Variants in RCL1 observed in about 807,000 individuals in gnomAD.
The protein encoded by RCL1 is RNA terminal phosphate cyclase like 1.
RCL1 carries 24 observed loss-of-function variants against 42.4 expected under a neutral mutation model. That is an observed-to-expected ratio of 0.57 (90% CI 0.41 to 0.80). RCL1 has a LOEUF of 0.80. RCL1 is among the 30% of genes least tolerant of loss of function. RCL1 has a pLI of 0.00. For synonymous variants in RCL1, 228 were observed against 177.3 expected (o/e 1.29, Z -2.27); for missense variants, 578 against 467.9 (o/e 1.24, Z -2.17).
At chr9:4,825,841 A>AAGGTG (rs1410512053) in intron 2 of RCL1, among the ~76,000 whole-genome samples, 1 of 152,002 alleles carries the variant, frequency 6.6e-6, no homozygotes, top group Non-Finnish European at 1.5e-5. Context: ...AGCCAGGCAC[A>AAGGTG]AGGTGGTTCA....
At chr9:4,833,641 C>A (rs912730249) in intron 4 of RCL1, among the ~76,000 whole-genome samples, 14 of 152,114 alleles carry the variant, frequency 9.2e-5, no homozygotes, top group African/African-American at 3.4e-4. Flanking sequence ...TCAGTATTTC[C>A]AAAATCTAGT....
At chr9:4,857,167 G>A (rs942536007) in intron 8 of RCL1, among the ~76,000 whole-genome samples, 3 of 152,176 alleles carry the variant, frequency 2.0e-5, no homozygotes, top group African/African-American at 7.2e-5. Context: ...TGTATTCACA[G>A]ACTTGTGTAA....
intron 2 of RCL1, among the ~76,000 whole-genome samples, chr9:4,824,522 G>A (rs985949975): frequency 5.3e-5 from 8 of 151,936 alleles, no homozygotes; most frequent in African/African-American, 1.9e-4. Flanking sequence ...GCTCCCCATT[G>A]ATAAACATTT....
intron 8 of RCL1, among the ~76,000 whole-genome samples, chr9:4,852,515 C>G (rs1817786516): frequency 6.6e-6 from 1 of 152,238 alleles, no homozygotes. Context: ...TCCAGCCTAT[C>G]TGGACTTAAG....
At chr9:4,800,684 G>T in intron 1 of RCL1, among the ~76,000 whole-genome samples, 1 of 137,014 alleles carries the variant, frequency 7.3e-6, no homozygotes. Context: ...ATGGAATCTC[G>T]CTCTGACTTC....
At chr9:4,797,270 A>G (rs1842927904) in intron 1 of RCL1, among the ~76,000 whole-genome samples, 1 of 152,208 alleles carries the variant, frequency 6.6e-6, no homozygotes, top group Non-Finnish European at 1.5e-5. Context: ...AGGAAGAATA[A>G]ATGTTAGCTG....
chr9:4,835,768 G>T (rs554796755), intron 5 of RCL1, among the ~76,000 whole-genome samples: 14 of 152,222 alleles, frequency 9.2e-5, no homozygotes, highest in Non-Finnish European at 1.6e-4. Context: ...TTGGTTGCCC[G>T]TATATCTTTA....
chr9:4,837,449 G>A (rs1003558163), intron 5 of RCL1, among the ~76,000 whole-genome samples: 3 of 151,790 alleles, frequency 2.0e-5, no homozygotes, highest in African/African-American at 7.3e-5. Flanking sequence ...GGGGGTAGTT[G>A]TTTTTTTTCC....
At chr9:4,810,378 C>T (rs1282911910) in intron 1 of RCL1, among the ~76,000 whole-genome samples, 1 of 152,162 alleles carries the variant, frequency 6.6e-6, no homozygotes, top group African/African-American at 2.4e-5. Context: ...AAATTTTTAA[C>T]ACCATGGATT....
intron 7 of RCL1, among the ~76,000 whole-genome samples, chr9:4,847,063 G>T (rs1817542464): frequency 6.6e-6 from 1 of 151,928 alleles, no homozygotes; most frequent in Non-Finnish European, 1.5e-5. Flanking sequence ...ATTTTTAGTA[G>T]AGATAGGGTT....
intron 1 of RCL1, among the ~76,000 whole-genome samples, chr9:4,806,487 T>C (rs1430683325): frequency 1.3e-5 from 2 of 152,062 alleles, no homozygotes; most frequent in Non-Finnish European, 2.9e-5. Context: ...GATGTGACCA[T>C]GTGATTTTTC....
At chr9:4,847,852 T>A (rs1817573816) in intron 7 of RCL1, among the ~76,000 whole-genome samples, 1 of 152,196 alleles carries the variant, frequency 6.6e-6, no homozygotes, top group Non-Finnish European at 1.5e-5. Context: ...GGCATTTTAT[T>A]TTTCCCCATC....
intron 7 of RCL1, among the ~76,000 whole-genome samples, chr9:4,848,730 G>T (rs1817604602): frequency 2.6e-5 from 4 of 152,126 alleles, no homozygotes; most frequent in Admixed American, 2.6e-4. Context: ...AAGAAGAAAG[G>T]CAACCTAAGC....
At chr9:4,796,401 C>T (rs1295352032) in intron 1 of RCL1, among the ~76,000 whole-genome samples, 2 of 152,134 alleles carry the variant, frequency 1.3e-5, no homozygotes, top group African/African-American at 2.4e-5. Context: ...TTGCAAAGGA[C>T]ATTATTTCAT....
intron 1 of RCL1, among the ~76,000 whole-genome samples, chr9:4,808,735 A>G (rs144745030): frequency 3.0e-3 from 450 of 152,382 alleles, no homozygotes; most frequent in African/African-American, 9.7e-3. Context: ...TAAAAGCAGC[A>G]TAAATCAGAG....
At chr9:4,849,634 A>T (rs376637061) in intron 8 of RCL1, 84 bp downstream of exon 8, 1 of 993,388 alleles carries the variant, frequency 1.0e-6, no homozygotes, top group Non-Finnish European at 1.6e-6. Flanking sequence ...TGTGCTGCAC[A>T]GAGCCTGCAC....
At chr9:4,814,726 T>C (rs1254552259) in intron 1 of RCL1, among the ~76,000 whole-genome samples, 1 of 152,216 alleles carries the variant, frequency 6.6e-6, no homozygotes, top group African/African-American at 2.4e-5. Flanking sequence ...AGTTTTATAC[T>C]TTCATGTTTT....
At chr9:4,825,892 T>C (rs1816744294) in intron 2 of RCL1, among the ~76,000 whole-genome samples, 1 of 150,722 alleles carries the variant, frequency 6.6e-6, no homozygotes, top group Non-Finnish European at 1.5e-5. Context: ...AGCCTAGGAG[T>C]TTCAGACTAG....
At chr9:4,808,377 G>A (rs146497710) in intron 1 of RCL1, among the ~76,000 whole-genome samples, 1,670 of 151,514 alleles carry the variant, frequency 0.011, 27 homozygotes, top group African/African-American at 0.039. Flanking sequence ...GTGTGATCTC[G>A]CCTCATTGCC....
Sources: gnomAD v4.1 joint callset for allele counts (sites outside exome capture counted in the v4.1 genomes callset) on GRCh38, gnomAD v4.1.1 for gene constraint, MANE v1.5 for transcripts, NCBI Gene and HGNC (gene_info 2026-07-23, HGNC 2026-07-21) for gene names.